The following SLC4A10 variants were observed in gnomAD, a reference collection of about 807,000 sequenced individuals.
SLC4A10 encodes the protein sodium-driven chloride bicarbonate exchanger.
A neutral mutation model predicts 137.7 loss-of-function variants in SLC4A10; 42 were observed. The observed-to-expected ratio is 0.30, with a 90% CI of 0.24 to 0.39. The LOEUF is 0.39. SLC4A10 is among the 10% of genes least tolerant of loss of function. The pLI, the probability that SLC4A10 is intolerant of heterozygous loss-of-function variation, is 1.00. For synonymous variants in SLC4A10, 474 were observed against 464.1 expected (o/e 1.02, Z -0.27); for missense variants, 925 against 1,355.0 (o/e 0.68, Z 4.98).
intron 1 of SLC4A10, among the ~76,000 whole-genome samples, chr2:161,664,709 T>TC (rs1000672809): frequency 3.8e-5 from 1 of 26,590 alleles, no homozygotes. Flanking sequence ...GGATTTTTTC[T>TC]CCTTTTTTTT....
In SLC4A10 at chr2:161,904,784, T is replaced by C; in HGVS notation, c.1626T>C (p.Ile542=). 2 of 1,613,964 alleles carry C rather than the reference T, an allele frequency of 1.2e-6. No individual in the cohort carries two copies. Among genetic ancestry groups the C allele is most frequent in the Non-Finnish European group, 1.7e-6 (2 of 1,179,858 alleles). ...TTTATATCTCTACACAGAGTGCAAT[T>C]GAATCTCTCTTTGGAGCATCCATGA... ...GEATEGRISA[I]ESLFGASMTG... The change falls in exon 14 of 27, where the codon ATT becomes ATC. Residue 542 remains isoleucine, a synonymous_variant. Transcript: ENST00000446997.
intron 1 of SLC4A10, among the ~76,000 whole-genome samples, chr2:161,713,287 T>C (rs1455418679): frequency 2.0e-5 from 3 of 151,146 alleles, no homozygotes; most frequent in African/African-American, 7.3e-5. Context: ...AAAAATAAAA[T>C]AAAAAAAACA....
intron 1 of SLC4A10, among the ~76,000 whole-genome samples, chr2:161,636,948 C>G (rs1029935881): frequency 6.7e-6 from 1 of 150,196 alleles, no homozygotes; most frequent in African/African-American, 2.4e-5. Context: ...AACTACTAGC[C>G]TCAGGCAATC....
intron 1 of SLC4A10, among the ~76,000 whole-genome samples, chr2:161,712,295 C>T (rs1310550437): frequency 6.6e-6 from 1 of 151,714 alleles, no homozygotes; most frequent in South Asian, 2.1e-4. Flanking sequence ...ACACCAACTA[C>T]TTTATTCATG....
intron 2 of SLC4A10, among the ~76,000 whole-genome samples, chr2:161,796,378 G>A (rs556333574): frequency 6.6e-6 from 1 of 152,284 alleles, no homozygotes; most frequent in Non-Finnish European, 1.5e-5. Flanking sequence ...GAGGCCGGCT[G>A]GTTTGTGAAG....
In SLC4A10 at chr2:161,704,059, A is replaced by G. The variant is rs368050801; in HGVS notation, c.49-66914A>G. Among the ~76,000 whole-genome samples the G allele has an allele frequency of 1.1e-4, 17 of 151,806 alleles. No individual in the cohort carries two copies. The East Asian group carries it at 2.9e-3, about 26-fold the overall frequency. On this transcript the variant is annotated intron_variant, in intron 1 of 26. Transcript: ENST00000446997. ...AATATGGTAGTTTCATCACTTCTCA[A>G]AAAAAGAGAAGTAGGTATTCTGCAG...
chr2:161,689,942 A>C (rs952901222), intron 1 of SLC4A10, among the ~76,000 whole-genome samples: 9 of 152,080 alleles, frequency 5.9e-5, no homozygotes, highest in African/African-American at 2.2e-4. Flanking sequence ...GACTCCTCAA[A>C]ACTTTTCTGT....
At chr2:161,861,817 A>C (rs760846042) in intron 5 of SLC4A10, among the ~76,000 whole-genome samples, 7 of 152,300 alleles carry the variant, frequency 4.6e-5, no homozygotes, top group Non-Finnish European at 8.8e-5. Context: ...CAACTTTGCA[A>C]AGTTGTCTAG....
chr2:161,714,078 G>T (rs1326958073), intron 1 of SLC4A10, among the ~76,000 whole-genome samples: 1 of 151,846 alleles, frequency 6.6e-6, no homozygotes, highest in Non-Finnish European at 1.5e-5. Flanking sequence ...CCAGACACAG[G>T]TGCTCATCTG....
chr2:161,876,305 C>G (rs925219233), intron 8 of SLC4A10, among the ~76,000 whole-genome samples: 2 of 152,150 alleles, frequency 1.3e-5, no homozygotes, highest in Non-Finnish European at 2.9e-5. Context: ...CCTAGATTCT[C>G]TAGAGCTGCT....
intron 1 of SLC4A10, among the ~76,000 whole-genome samples, chr2:161,700,442 A>G (rs1444988375): frequency 6.6e-6 from 1 of 152,114 alleles, no homozygotes; most frequent in Non-Finnish European, 1.5e-5. Context: ...TGGAAAGAAG[A>G]AGGAACTGAT....
chr2:161,707,018 A>G (rs1296848071), intron 1 of SLC4A10, among the ~76,000 whole-genome samples: 1 of 151,588 alleles, frequency 6.6e-6, no homozygotes, highest in Non-Finnish European at 1.5e-5. Flanking sequence ...TATTTTCTAC[A>G]GGAAAGAATG....
intron 4 of SLC4A10, among the ~76,000 whole-genome samples, chr2:161,843,335 T>C (rs1559372686): frequency 6.6e-6 from 1 of 152,176 alleles, no homozygotes; most frequent in Non-Finnish European, 1.5e-5. Flanking sequence ...ATGTTTGTCC[T>C]AAACCATCAA....
intron 10 of SLC4A10, among the ~76,000 whole-genome samples, chr2:161,894,079 TATATGC>T (rs2063198546): frequency 6.6e-6 from 1 of 151,886 alleles, no homozygotes; most frequent in East Asian, 1.9e-4. Flanking sequence ...AATATAGGAG[TATATGC>T]ATAGGTTATG....
At chr2:161,660,626 TC>T in intron 1 of SLC4A10, among the ~76,000 whole-genome samples, 1 of 137,256 alleles carries the variant, frequency 7.3e-6, no homozygotes, top group Admixed American at 7.7e-5. Flanking sequence ...CTTTCTTTCT[TC>T]CTTTCCTTCT....
chr2:161,961,996 A>G (rs1358098615), intron 21 of SLC4A10, among the ~76,000 whole-genome samples: 1 of 152,210 alleles, frequency 6.6e-6, no homozygotes, highest in East Asian at 1.9e-4. Flanking sequence ...CTGGGTGGGG[A>G]AATGTGATAT....
intron 1 of SLC4A10, among the ~76,000 whole-genome samples, chr2:161,646,738 T>C (rs889582497): frequency 6.6e-6 from 1 of 152,028 alleles, no homozygotes; most frequent in African/African-American, 2.4e-5. Flanking sequence ...AATTATTTCT[T>C]CCTTGTAAAT....
At chr2:161,902,722 TAAATC>T (rs1230943595) in intron 12 of SLC4A10, among the ~76,000 whole-genome samples, 3 of 152,176 alleles carry the variant, frequency 2.0e-5, no homozygotes, top group Non-Finnish European at 4.4e-5. Flanking sequence ...CTATTACAGA[TAAATC>T]AGATCAGGGA....
At chr2:161,784,798 A>C (rs2053435272) in intron 2 of SLC4A10, among the ~76,000 whole-genome samples, 2 of 151,572 alleles carry the variant, frequency 1.3e-5, no homozygotes, top group Non-Finnish European at 3.0e-5. Context: ...TGAAAAAAGA[A>C]GACAGATCTC....
Sources: gnomAD v4.1 joint callset for allele counts (sites outside exome capture counted in the v4.1 genomes callset) on GRCh38, gnomAD v4.1.1 for gene constraint, MANE v1.5 for transcripts, NCBI Gene and HGNC (gene_info 2026-07-23, HGNC 2026-07-21) for gene names.